The following ATG7 variants were observed in gnomAD, a reference collection of about 807,000 sequenced individuals.
The protein encoded by ATG7 is ubiquitin-like modifier-activating enzyme ATG7.
ATG7 carries 70 observed loss-of-function variants against 82.4 expected under a neutral mutation model. The observed-to-expected ratio is 0.85, with a 90% CI of 0.70 to 1.04. The LOEUF is 1.04. Ranked by LOEUF, ATG7 falls within the 50% of genes least tolerant of loss-of-function variation. The probability of loss-of-function intolerance (pLI) is 0.00; values close to 1 mark genes in which losing one functional copy is unlikely to be tolerated. For missense variants in ATG7, 792 were observed against 864.3 expected, an observed-to-expected ratio of 0.92 and a Z score of 1.05; for synonymous variants, 287 against 313.0, an observed-to-expected ratio of 0.92 and a Z score of 0.88.
At chr3:11,548,564 C>T (rs1469475534) in intron 20 of ATG7, among the ~76,000 whole-genome samples, 2 of 152,226 alleles carry the variant, frequency 1.3e-5, no homozygotes, top group Non-Finnish European at 2.9e-5. Context: ...CTCCTTTTAT[C>T]GTTCCTGTGT....
intron 20 of ATG7, among the ~76,000 whole-genome samples, chr3:11,509,574 G>C (rs1259917824): frequency 6.6e-6 from 1 of 152,076 alleles, no homozygotes; most frequent in East Asian, 1.9e-4. Flanking sequence ...ACGTTTTAGA[G>C]TTTGCTGAAT....
At chr3:11,573,308 GAAGGAAGGAAGAAAGAAAGAAAGA>G in the ATG7 span, among the ~76,000 whole-genome samples, 4 of 23,002 alleles carry the variant, frequency 1.7e-4, no homozygotes, top group Admixed American at 8.0e-4. Context: ...AGAAAGAAAG[GAAGGAAGGAAGAAAGAAAGAAAGA>G]AAGAAAGAAA....
intron 5 of ATG7, among the ~76,000 whole-genome samples, chr3:11,303,869 C>T (rs565641899): frequency 3.8e-4 from 52 of 138,394 alleles, no homozygotes; most frequent in African/African-American, 1.3e-3. Context: ...GGTCAGGGAT[C>T]GAGACCATCC....
At chr3:11,348,932 T>G (rs971521749) in intron 14 of ATG7, among the ~76,000 whole-genome samples, 1 of 152,102 alleles carries the variant, frequency 6.6e-6, no homozygotes, top group Admixed American at 6.5e-5. Context: ...TTTTACAGAG[T>G]GCTGATTGGT....
At chr3:11,342,517 A>C (rs950216501) in intron 13 of ATG7, among the ~76,000 whole-genome samples, 3 of 152,178 alleles carry the variant, frequency 2.0e-5, no homozygotes, top group Non-Finnish European at 4.4e-5. Flanking sequence ...CAGACTTTGT[A>C]GATTAGTATG....
At chr3:11,383,043 C>A (rs1338885630) in intron 19 of ATG7, among the ~76,000 whole-genome samples, 2 of 152,192 alleles carry the variant, frequency 1.3e-5, no homozygotes, top group South Asian at 2.1e-4. Flanking sequence ...AAGACATTCT[C>A]TTACCTAAAC....
At chr3:11,507,369 A>G (rs1404290830) in intron 20 of ATG7, among the ~76,000 whole-genome samples, 1 of 152,234 alleles carries the variant, frequency 6.6e-6, no homozygotes. Context: ...TACAATTATC[A>G]AAGTATTTTA....
chr3:11,478,013 A>G (rs1216899703), intron 20 of ATG7, among the ~76,000 whole-genome samples: 1 of 152,124 alleles, frequency 6.6e-6, no homozygotes, highest in Non-Finnish European at 1.5e-5. Flanking sequence ...CTTGGCTCAT[A>G]TACCCATCCC....
At chr3:11,385,070 G>T (rs1252495790) in intron 19 of ATG7, among the ~76,000 whole-genome samples, 2 of 152,180 alleles carry the variant, frequency 1.3e-5, no homozygotes, top group Admixed American at 6.5e-5. Context: ...TTGCTCACTT[G>T]CGAGGCTGGA....
chr3:11,541,509 C>T (rs1237099216), intron 20 of ATG7, among the ~76,000 whole-genome samples: 1 of 152,130 alleles, frequency 6.6e-6, no homozygotes, highest in Non-Finnish European at 1.5e-5. Flanking sequence ...TCCGATGGTC[C>T]GGCCCAGTGG....
intron 1 of ATG7, chr3:11,277,335 G>T (rs147090679): frequency 6.6e-6 from 1 of 152,256 alleles, no homozygotes; most frequent in Non-Finnish European, 1.5e-5. Context: ...TGCTTTTATG[G>T]CATGGTCCAT....
intron 20 of ATG7, among the ~76,000 whole-genome samples, chr3:11,534,253 C>T (rs1006231703): frequency 6.6e-6 from 1 of 152,262 alleles, no homozygotes; most frequent in African/African-American, 2.4e-5. Flanking sequence ...TAGCACTGTG[C>T]CCTTCTGCCG....
intron 14 of ATG7, among the ~76,000 whole-genome samples, chr3:11,348,996 T>A (rs1050918714): frequency 6.6e-6 from 1 of 151,282 alleles, no homozygotes; most frequent in African/African-American, 2.4e-5. Flanking sequence ...TTTTACAGAG[T>A]GCTGATTGGT....
chr3:11,549,343 C>T (rs907681458), intron 20 of ATG7, among the ~76,000 whole-genome samples: 9 of 152,194 alleles, frequency 5.9e-5, no homozygotes, highest in Non-Finnish European at 1.0e-4. Flanking sequence ...CATCTGTGAA[C>T]TCCCATAGCA....
intron 19 of ATG7, among the ~76,000 whole-genome samples, chr3:11,395,345 C>CT (rs1423722591): frequency 3.9e-5 from 6 of 152,052 alleles, no homozygotes; most frequent in Admixed American, 1.3e-4. Flanking sequence ...TATAGATAAA[C>CT]TTTTTTTGAA....
At chr3:11,327,877 C>T (rs538215224) in intron 9 of ATG7, among the ~76,000 whole-genome samples, 4 of 152,210 alleles carry the variant, frequency 2.6e-5, no homozygotes, top group South Asian at 2.1e-4. Flanking sequence ...GGGAGGAGGC[C>T]GGGGATTCTG....
intron 19 of ATG7, among the ~76,000 whole-genome samples, chr3:11,398,415 CAG>C: frequency 6.6e-6 from 1 of 152,040 alleles, no homozygotes; most frequent in East Asian, 1.9e-4. Flanking sequence ...CAGTAATAAA[CAG>C]ATAACTAGAA....
intron 15 of ATG7, among the ~76,000 whole-genome samples, chr3:11,360,034 G>A (rs532869287): frequency 6.6e-5 from 10 of 152,164 alleles, no homozygotes; most frequent in African/African-American, 2.4e-4. Context: ...TGTTTGTTAT[G>A]AGTTTTTTTG....
intron 3 of ATG7, among the ~76,000 whole-genome samples, chr3:11,291,963 G>A (rs922362665): frequency 1.3e-5 from 2 of 152,204 alleles, no homozygotes; most frequent in Non-Finnish European, 2.9e-5. Flanking sequence ...TTTAAACAAG[G>A]GAGCCACCTG....
Sources: gnomAD v4.1 joint callset for allele counts (sites outside exome capture counted in the v4.1 genomes callset) on GRCh38, gnomAD v4.1.1 for gene constraint, MANE v1.5 for transcripts, NCBI Gene and HGNC (gene_info 2026-07-23, HGNC 2026-07-21) for gene names.